Variants in UBR3 observed in about 807,000 individuals in gnomAD.
UBR3 encodes E3 ubiquitin-protein ligase UBR3.
Under a neutral mutation model 243.2 loss-of-function variants are expected in UBR3, and 85 were observed. The ratio of observed to expected loss-of-function variants is 0.35; its 90% CI spans 0.29 to 0.42. The LOEUF (loss-of-function observed/expected upper bound fraction) is 0.42, where lower values mean the gene tolerates loss of function less well. UBR3 is among the 10% of genes least tolerant of loss of function. The pLI is 1.00. For missense variants in UBR3, 1,686 were observed against 2,300.8 expected (o/e 0.73, Z 5.47); for synonymous variants, 748 against 799.8 (o/e 0.94, Z 1.09).
chr2:169,950,163 A>G lies in UBR3; in HGVS notation c.3545+98A>G. ...GAGGATAATCACCTGGATGTTTAAC[A>G]GGAACAGTCATAGCTGATTAGTTTG... On this transcript the variant is annotated intron_variant, in intron 23 of 38. Coordinates refer to ENST00000272793, the MANE Select transcript of UBR3 (RefSeq NM_172070.4). The G allele has an allele frequency of 9.0e-6, 10 of 1,114,144 alleles. No homozygotes were observed. In the South Asian group the frequency reaches 1.2e-4, roughly 13 times the overall value. 69.0% of individuals were successfully genotyped at this position (1,114,144 alleles called of 1,614,324 possible).
chr2:170,041,402 T>C (rs1366781567), intron 32 of UBR3, among the ~76,000 whole-genome samples: 1 of 152,180 alleles, frequency 6.6e-6, no homozygotes, highest in African/African-American at 2.4e-5. Context: ...ATTGAAGTGA[T>C]GATACAAATG....
chr2:169,842,778 A>G (rs1001804381), intron 1 of UBR3, among the ~76,000 whole-genome samples: 3 of 152,230 alleles, frequency 2.0e-5, no homozygotes, highest in Admixed American at 2.0e-4. Flanking sequence ...CGCCACCTTA[A>G]GAGCTGTAAC....
chr2:169,942,670 G>T, intron 20 of UBR3, 36 bp downstream of exon 20: 1 of 1,456,470 alleles, frequency 6.9e-7, no homozygotes, highest in Non-Finnish European at 9.0e-7. Flanking sequence ...ACTAAGCTTA[G>T]AATTTATTTT....
At position 169,838,589 on chromosome 2, in the gene UBR3, C is replaced by T. The variant is rs2082191668; in HGVS notation, c.545+10537C>T. On this transcript the variant is annotated intron_variant, in intron 1 of 38. Coordinates refer to ENST00000272793, the MANE Select transcript of UBR3 (RefSeq NM_172070.4). Reference sequence around the variant, plus strand: ...CCCCAAAGGCTTCCGCCTCTTAATACCACCACAGTGGAGATTAAGTTTCAA... The same window carrying T: ...CCCCAAAGGCTTCCGCCTCTTAATATCACCACAGTGGAGATTAAGTTTCAA... Among the ~76,000 whole-genome samples, 3 of 152,134 alleles carry T rather than the reference C, an allele frequency of 2.0e-5. No homozygotes were observed. In the South Asian group the frequency reaches 6.2e-4, roughly 32 times the overall value.
intron 19 of UBR3, 91 bp downstream of exon 19, chr2:169,933,099 T>TAAAGAATG: frequency 2.5e-6 from 2 of 795,882 alleles, no homozygotes; most frequent in Non-Finnish European, 3.9e-6. Flanking sequence ...ATGCTCTCAT[T>TAAAGAATG]AAAGTATACT....
chr2:169,965,404 C>T (rs965050035), intron 24 of UBR3, among the ~76,000 whole-genome samples: 1 of 152,060 alleles, frequency 6.6e-6, no homozygotes, highest in African/African-American at 2.4e-5. Flanking sequence ...GGGATCTGTT[C>T]CAAGGCCCCC....
intron 8 of UBR3, among the ~76,000 whole-genome samples, chr2:169,897,583 C>G (rs963761258): frequency 2.6e-5 from 4 of 152,106 alleles, no homozygotes; most frequent in African/African-American, 9.7e-5. Flanking sequence ...ACTGCAACCT[C>G]CGCCTCCTGG....
rs2081791770 is a variant in UBR3 at position 169,827,777 on chromosome 2, C to T, written c.270C>T (p.Ala90=). 2.1e-6 allele frequency: 3 copies of T among 1,457,438 alleles called. No homozygotes were observed. Among genetic ancestry groups the T allele is most frequent in the Non-Finnish European group, 2.7e-6 (3 of 1,105,800 alleles). The allele number at this position is 1,457,438 out of a possible 1,614,324, so 90.3% of individuals were successfully genotyped here. A position where few individuals can be genotyped will look rare whatever the true frequency, so the allele number is the denominator to read the frequency against. ...GTCCGGGGGCGGCCGAGGAGGAGGC[C>T]CTGGAGTGGTGTAAGTGCCTTCTGG... The part of the protein sequence containing the change: ...GGGPGAAEEE[A]LEWCKCLLAG... Residue 90 remains alanine, a synonymous_variant, in exon 1 of 39, where the codon GCC becomes GCT. Transcript: ENST00000272793.
intron 7 of UBR3, among the ~76,000 whole-genome samples, chr2:169,895,730 C>A (rs1175459815): frequency 6.6e-6 from 1 of 152,166 alleles, no homozygotes; most frequent in East Asian, 1.9e-4. Flanking sequence ...TGAAAAGTTG[C>A]TGGTCACAAC....
chr2:169,890,350 G>A (rs2084280277), intron 5 of UBR3, among the ~76,000 whole-genome samples: 1 of 151,520 alleles, frequency 6.6e-6, no homozygotes, highest in African/African-American at 2.4e-5. Flanking sequence ...AACATGCTCT[G>A]ATCTAGCCTT....
chr2:169,845,496 TCG>T (rs1559012000), intron 1 of UBR3, among the ~76,000 whole-genome samples: 2 of 38,118 alleles, frequency 5.2e-5, no homozygotes, highest in African/African-American at 1.1e-4. Context: ...TCCCTCTTCG[TCG>T]TCATCGTCGT....
chr2:169,890,367 C>T (rs2084280744), intron 5 of UBR3, among the ~76,000 whole-genome samples: 1 of 151,560 alleles, frequency 6.6e-6, no homozygotes, highest in African/African-American at 2.4e-5. Flanking sequence ...CCTTAAACCA[C>T]CACATGATGT....
At chr2:169,840,252 C>T (rs1354358283) in intron 1 of UBR3, among the ~76,000 whole-genome samples, 1 of 152,212 alleles carries the variant, frequency 6.6e-6, no homozygotes, top group East Asian at 1.9e-4. Flanking sequence ...CCCCCCACCT[C>T]CCTCTGGGCC....
intron 1 of UBR3, among the ~76,000 whole-genome samples, chr2:169,869,024 A>G (rs1291990694): frequency 2.0e-5 from 3 of 151,812 alleles, no homozygotes; most frequent in Non-Finnish European, 2.9e-5. Context: ...CCTTTTTTGT[A>G]GTGTATTTAA....
chr2:169,976,721 T>C (rs182801485), intron 24 of UBR3, among the ~76,000 whole-genome samples: 10 of 152,324 alleles, frequency 6.6e-5, no homozygotes, highest in Non-Finnish European at 1.5e-5. Flanking sequence ...AATTTGACTT[T>C]GTTTGCCTTG....
chr2:170,069,615 C>T lies in UBR3; in HGVS notation c.5020-3813C>T, dbSNP rs578235050. ...ATTTCTCCCAGACCCTGGCAACCAC[C>T]GTTCTACTCTGCTTCTACTTTTTAA... On this transcript the variant is annotated intron_variant, in intron 35 of 38. Transcript: ENST00000272793. Among the ~76,000 whole-genome samples, 17 of 152,070 alleles carry T rather than the reference C, an allele frequency of 1.1e-4. No homozygotes were observed. In the South Asian group the frequency reaches 2.1e-3, roughly 19 times the overall value.
chr2:169,878,420 C>A, intron 4 of UBR3, 105 bp from the exon 5 acceptor site: 3 of 1,126,612 alleles, frequency 2.7e-6, no homozygotes, highest in South Asian at 1.5e-5. Flanking sequence ...GGTGTCCTAA[C>A]GTAACAAAAC....
intron 1 of UBR3, among the ~76,000 whole-genome samples, chr2:169,853,682 T>C (rs963811934): frequency 3.3e-5 from 5 of 152,148 alleles, no homozygotes; most frequent in Admixed American, 3.3e-4. Flanking sequence ...TCTCCTGACC[T>C]CGGGTGATCC....
chr2:169,891,117 C>T, intron 5 of UBR3, 48 bp from the exon 6 acceptor site: 1 of 1,406,584 alleles, frequency 7.1e-7, no homozygotes, highest in Non-Finnish European at 9.8e-7. Context: ...TAAAGTGTAT[C>T]AATTTATGAA....
Sources: allele counts gnomAD v4.1 joint callset (sites outside exome capture counted in the v4.1 genomes callset), GRCh38; gene constraint gnomAD v4.1.1; transcripts MANE v1.5; gene names NCBI Gene and HGNC (gene_info 2026-07-23, HGNC 2026-07-21).